RPN2: variants seen among roughly 807,000 people sequenced by gnomAD.
RPN2 encodes the protein ribophorin II.
RPN2 carries 29 observed loss-of-function variants against 71.4 expected under a neutral mutation model. That is an observed-to-expected ratio of 0.41 (90% CI 0.30 to 0.55). The LOEUF is 0.55. Ranked by LOEUF, RPN2 falls within the 20% of genes least tolerant of loss-of-function variation. RPN2 has a pLI of 0.35. For missense variants in RPN2, 726 were observed against 774.1 expected (o/e 0.94, Z 0.74); for synonymous variants, 308 against 305.0 (o/e 1.01, Z -0.10).
intron 16 of RPN2, among the ~76,000 whole-genome samples, chr20:37,237,950 G>A (rs2068446940): frequency 6.6e-6 from 1 of 152,172 alleles, no homozygotes. Flanking sequence ...CCAGCACTTT[G>A]GGAGGCTAAG....
chr20:37,202,252 G>A (rs1381994439), intron 4 of RPN2, among the ~76,000 whole-genome samples: 1 of 152,134 alleles, frequency 6.6e-6, no homozygotes, highest in Non-Finnish European at 1.5e-5. Context: ...GGAAATTCAG[G>A]TTTCATTTTC....
chr20:37,231,606 G>A (rs1197935190), intron 13 of RPN2, among the ~76,000 whole-genome samples: 7 of 151,870 alleles, frequency 4.6e-5, no homozygotes, highest in African/African-American at 1.7e-4. Context: ...CAACTACTCA[G>A]GAGGCTAAGG....
chr20:37,212,418 T>C (rs926120687), intron 8 of RPN2, among the ~76,000 whole-genome samples: 1 of 152,102 alleles, frequency 6.6e-6, no homozygotes, highest in Non-Finnish European at 1.5e-5. Context: ...AAGACCTGTT[T>C]CTAAAAGAAA....
intron 10 of RPN2, among the ~76,000 whole-genome samples, 192 bp from the exon 11 acceptor site, chr20:37,225,495 CT>C (rs999077868): frequency 3.3e-5 from 5 of 152,208 alleles, no homozygotes; most frequent in African/African-American, 1.2e-4. Flanking sequence ...TTATTCTGCA[CT>C]TTTCTCAGTC....
chr20:37,213,744 T>C lies in RPN2; in HGVS notation c.987-16T>C, dbSNP rs201354834. On this transcript the variant is annotated splice_polypyrimidine_tract_variant and intron_variant, in intron 8 of 16. Transcript: ENST00000237530. Reference sequence around the variant, plus strand: ...CCTACCTGAGTTCTTGCTAAGCCCATTGTCATTCTTAACAGGGATGTTTTT... The same window carrying C: ...CCTACCTGAGTTCTTGCTAAGCCCACTGTCATTCTTAACAGGGATGTTTTT... 1.9e-6 allele frequency: 3 copies of C among 1,586,910 alleles called. No individual in the cohort carries two copies. The highest frequency in any genetic ancestry group is 2.6e-6 in the Non-Finnish European group (3 of 1,155,178).
chr20:37,183,052 C>T (rs1469839215), intron 1 of RPN2, among the ~76,000 whole-genome samples: 2 of 152,130 alleles, frequency 1.3e-5, no homozygotes, highest in African/African-American at 2.4e-5. Flanking sequence ...CCTCATGGAA[C>T]TTACAGTTTA....
chr20:37,236,658 G>T lies in RPN2; in HGVS notation c.1832G>T (p.Ser611Ile). ...QTLKYLAILGSVTFLAGNRML... is the reference protein window; with the variant it reads ...QTLKYLAILGIVTFLAGNRML... ...TTGAAGTACCTGGCCATCCTGGGCAGTGTGACGTTTCTGGCTGGCAATCGG... is the reference window on the plus strand; with the variant it reads ...TTGAAGTACCTGGCCATCCTGGGCATTGTGACGTTTCTGGCTGGCAATCGG... The change falls in exon 16 of 17, where the codon AGT becomes ATT. Residue 611 changes from serine (S) to isoleucine (I), a missense_variant. Coordinates refer to ENST00000237530, the MANE Select transcript of RPN2 (RefSeq NM_002951.5). The T allele has an allele frequency of 6.2e-7, 1 of 1,614,184 alleles. No individual in the cohort carries two copies.
chr20:37,210,139 C>T lies in RPN2; in HGVS notation c.960C>T (p.Leu320=), dbSNP rs919249985. The change falls in exon 8 of 17, where the codon CTC becomes CTT. Residue 320 remains leucine, a synonymous_variant. Coordinates refer to ENST00000237530, the MANE Select transcript of RPN2 (RefSeq NM_002951.5). ...CTGTTGCTTCCAGAGCCACTGTCCT[C>T]CAGAAGACATCCTTCACCCCTGTAG... is the stretch of plus-strand genomic sequence containing the variant. ...AKSVASRATV[L]QKTSFTPVGD... is the part of the protein sequence containing the mutation. The T allele has an allele frequency of 1.2e-6, 2 of 1,614,108 alleles. No individual in the cohort carries two copies.
At chr20:37,221,040 A>G (rs552313715) in intron 9 of RPN2, among the ~76,000 whole-genome samples, 19 of 152,278 alleles carry the variant, frequency 1.2e-4, no homozygotes, top group African/African-American at 4.3e-4. Context: ...GATGCTCAGG[A>G]TGTCTTTAGA....
chr20:37,239,123 T>G (rs1268313411), intron 16 of RPN2, among the ~76,000 whole-genome samples: 1 of 152,188 alleles, frequency 6.6e-6, no homozygotes. Flanking sequence ...ACTGATCTGC[T>G]CCGCTAGACC....
intron 16 of RPN2, among the ~76,000 whole-genome samples, chr20:37,237,645 G>A (rs2068434101): frequency 6.6e-6 from 1 of 152,148 alleles, no homozygotes; most frequent in African/African-American, 2.4e-5. Flanking sequence ...CGGCACAGAC[G>A]TGTTCCTTGG....
At position 37,234,685 on chromosome 20, in the gene RPN2, G is replaced by GTTT. The variant is rs113523661; in HGVS notation, c.1753+601_1753+603dup. On this transcript the variant is annotated intron_variant, in intron 15 of 16. Coordinates refer to ENST00000237530, the MANE Select transcript of RPN2 (RefSeq NM_002951.5). ...CTGTGACTTTAATTTTTTGTTCGTTGTTTTTTTTTTTTTGAGACAGGGTCT... is the reference window on the plus strand; with the variant it reads ...CTGTGACTTTAATTTTTTGTTCGTTGTTTTTTTTTTTTTTTTGAGACAGGGTCT... Among the ~76,000 whole-genome samples, 527 of 145,762 alleles carry GTTT rather than the reference G, an allele frequency of 3.6e-3. 4 individuals carry two copies. The highest frequency in any genetic ancestry group is 7.0e-3 in the Middle Eastern group (2 of 284).
rs376359797 is a variant in RPN2, at chr20:37,210,141, A to G, written c.962A>G (p.Gln321Arg). 16 of 1,614,028 alleles carry G rather than the reference A, an allele frequency of 9.9e-6. No homozygotes were observed. The African/African-American group carries it at 1.7e-4, about 17-fold the overall frequency. The change falls in exon 8 of 17, where the codon CAG becomes CGG. Residue 321 changes from glutamine to arginine, a missense_variant. Coordinates refer to ENST00000237530, the MANE Select transcript of RPN2 (RefSeq NM_002951.5). Reference protein sequence around the residue: ...KSVASRATVLQKTSFTPVGDV... With the variant: ...KSVASRATVLRKTSFTPVGDV... ...GTTGCTTCCAGAGCCACTGTCCTCC[A>G]GAAGACATCCTTCACCCCTGTAGGG...
rs571879221 is a variant in RPN2 at position 37,236,757 on chromosome 20, CAGCTCT to C, written c.1883+49_1883+54del. 5,626 of 1,594,162 alleles carry C rather than the reference CAGCTCT, an allele frequency of 3.5e-3. 21 individuals carry two copies. Among genetic ancestry groups the C allele is most frequent in the South Asian group, 0.01 (913 of 90,686 alleles). On this transcript the variant is annotated intron_variant, in intron 16 of 16. Coordinates refer to ENST00000237530, the MANE Select transcript of RPN2 (RefSeq NM_002951.5). ...GATCTAGAGTAGGGTTAGAAATACT[CAGCTCT>C]GCCGGCCTAGCTCTTTGAAGGGTAG...
intron 1 of RPN2, among the ~76,000 whole-genome samples, chr20:37,182,236 G>A (rs1161406440): frequency 6.6e-6 from 1 of 151,980 alleles, no homozygotes; most frequent in African/African-American, 2.4e-5. Flanking sequence ...TTGGATTACA[G>A]GCACCCACCA....
intron 4 of RPN2, among the ~76,000 whole-genome samples, chr20:37,203,188 G>T (rs1379792274): frequency 1.3e-5 from 2 of 152,072 alleles, no homozygotes; most frequent in African/African-American, 2.4e-5. Flanking sequence ...GCCTCCCAAA[G>T]TATTGGGATT....
At chr20:37,189,182 G>T (rs1310657442) in intron 2 of RPN2, among the ~76,000 whole-genome samples, 1 of 152,018 alleles carries the variant, frequency 6.6e-6, no homozygotes, top group African/African-American at 2.4e-5. Context: ...TGATCCACCC[G>T]CCTTGGCCTC....
intron 14 of RPN2, among the ~76,000 whole-genome samples, chr20:37,233,605 G>A (rs1215414648): frequency 2.0e-5 from 3 of 152,190 alleles, no homozygotes; most frequent in Non-Finnish European, 4.4e-5. Flanking sequence ...CAAATGACAT[G>A]GAACCCACGG....
At chr20:37,208,735 A>G (rs2067581143) in intron 7 of RPN2, among the ~76,000 whole-genome samples, 1 of 152,238 alleles carries the variant, frequency 6.6e-6, no homozygotes, top group African/African-American at 2.4e-5. Context: ...TAGAACTTTT[A>G]TCTCAAATGA....
Sources: allele counts gnomAD v4.1 joint callset (sites outside exome capture counted in the v4.1 genomes callset), GRCh38; gene constraint gnomAD v4.1.1; transcripts MANE v1.5; gene names NCBI Gene and HGNC (gene_info 2026-07-23, HGNC 2026-07-21).